The following P4HTM variants were observed in gnomAD, a reference collection of about 807,000 sequenced individuals.
P4HTM encodes the protein prolyl 4-hydroxylase, transmembrane.
P4HTM carries 33 observed loss-of-function variants against 55.3 expected under a neutral mutation model. That is an observed-to-expected ratio of 0.60 (90% CI 0.45 to 0.80). The LOEUF is 0.80. Ranked by LOEUF, P4HTM falls within the 30% of genes least tolerant of loss-of-function variation. P4HTM has a pLI of 0.00. For missense variants in P4HTM, 542 were observed against 696.5 expected (o/e 0.78, Z 2.50); for synonymous variants, 272 against 286.4 (o/e 0.95, Z 0.51).
At chr3:49,000,529 T>C (rs2092958131) in intron 2 of P4HTM, among the ~76,000 whole-genome samples, 1 of 152,198 alleles carries the variant, frequency 6.6e-6, no homozygotes, top group South Asian at 2.1e-4. Context: ...CTGCCCTTCC[T>C]CCAGTCAGCT....
chr3:49,005,559 T>C (rs546409262), intron 6 of P4HTM: 1 of 1,372,658 alleles, frequency 7.3e-7, no homozygotes, highest in East Asian at 2.7e-5. Flanking sequence ...AGTGCACCTG[T>C]GATCTTGGCC....
chr3:49,005,985 G>T, intron 7 of P4HTM, 79 bp from the exon 8 acceptor site: 1 of 1,562,390 alleles, frequency 6.4e-7, no homozygotes, highest in Non-Finnish European at 8.7e-7. Context: ...TATCTGGTTG[G>T]TTTCCCTTTG....
intron 4 of P4HTM, chr3:49,003,641 C>T (rs1220248109): frequency 6.5e-6 from 1 of 154,824 alleles, no homozygotes; most frequent in African/African-American, 2.4e-5. Flanking sequence ...ATGAGGAACT[C>T]CCCGGGGGCT....
At chr3:48,995,483 TTG>T (rs1166320977) in intron 2 of P4HTM, among the ~76,000 whole-genome samples, 13 of 152,214 alleles carry the variant, frequency 8.5e-5, no homozygotes, top group Non-Finnish European at 1.6e-4. Flanking sequence ...CCGTATTTAT[TTG>T]TGTCATTTGT....
In P4HTM at chr3:49,004,895, G is replaced by A. The variant is rs762716427; in HGVS notation, c.922G>A (p.Val308Met). The A allele has an allele frequency of 2.5e-6, 4 of 1,611,772 alleles. No individual in the cohort carries two copies. Among genetic ancestry groups the A allele is most frequent in the Non-Finnish European group, 3.4e-6 (4 of 1,179,850 alleles). Reference protein sequence around the residue: ...LRLTRLSPEIVELSEPLQVVR... With the variant: ...LRLTRLSPEIMELSEPLQVVR... ...CCTCACTCGCCTGTCGCCTGAGATC[G>A]TGGAGCTCAGCGAGCCGCTGCAGGT... Residue 308 changes from valine (V) to methionine (M), a missense_variant, in exon 6 of 9, where the codon GTG (valine) becomes ATG (methionine). Val to Met is a conservative substitution (Grantham distance 21). Coordinates refer to ENST00000383729, the MANE Select transcript of P4HTM (RefSeq NM_177939.3).
At chr3:49,003,418 T>C (rs530357461) in intron 4 of P4HTM, 1 of 157,570 alleles carries the variant, frequency 6.3e-6, no homozygotes, top group Non-Finnish European at 1.4e-5. Flanking sequence ...TGGAAGGTGA[T>C]GTCCTTGGGT....
At position 48,992,823 on chromosome 3, in the gene P4HTM, A is replaced by T. The variant is rs2092934666; in HGVS notation, c.436+1909A>T. 2.7e-5 allele frequency among the ~76,000 whole-genome samples: 4 copies of T among 150,590 alleles called. No homozygotes were observed. In the South Asian group the frequency reaches 6.4e-4, roughly 24 times the overall value. On this transcript the variant is annotated intron_variant, in intron 2 of 8. Coordinates refer to ENST00000383729, the MANE Select transcript of P4HTM (RefSeq NM_177939.3). Reference sequence around the variant, plus strand: ...TGGGATTACAGGCATGCGCCACCACATCCGGCTAATTTTTTGCATTTTTAG... The same window carrying T: ...TGGGATTACAGGCATGCGCCACCACTTCCGGCTAATTTTTTGCATTTTTAG...
At position 49,001,544 on chromosome 3, in the gene P4HTM, G is replaced by A. The variant is rs750045495; in HGVS notation, c.543G>A (p.Glu181=). 2 of 1,613,938 alleles carry A rather than the reference G, an allele frequency of 1.2e-6. No individual in the cohort carries two copies. Among genetic ancestry groups the A allele is most frequent in the South Asian group, 1.1e-5 (1 of 91,090 alleles). ...SQILPTEEYE[E]AMSTMQVSQL... is the part of the protein sequence containing the mutation. ...TCCTGCCTACTGAAGAGTATGAAGA[G>A]GCAATGAGCACTATGCAGGTCAGCC... Residue 181 remains glutamate, a synonymous_variant, in exon 3 of 9, where the codon GAG becomes GAA. Coordinates refer to ENST00000383729, the MANE Select transcript of P4HTM (RefSeq NM_177939.3).
At chr3:49,004,504 G>C (rs1170523650) in intron 5 of P4HTM, 2 of 561,158 alleles carry the variant, frequency 3.6e-6, no homozygotes, top group African/African-American at 1.9e-5. Context: ...TTTCTGATTA[G>C]ATAAATGACC....
At chr3:48,997,006 C>T (rs1489742033) in intron 2 of P4HTM, among the ~76,000 whole-genome samples, 1 of 152,172 alleles carries the variant, frequency 6.6e-6, no homozygotes, top group Non-Finnish European at 1.5e-5. Context: ...CAGAGGACTA[C>T]CTGCTCAAAA....
chr3:49,004,868 C>CGCCTCACT lies in P4HTM; in HGVS notation c.896_903dup (p.Arg302AlafsTer48). The CGCCTCACT allele has an allele frequency of 6.2e-7, 1 of 1,607,376 alleles. No individual in the cohort carries two copies. ...ATGCCTGCTGCCCACCAGGGTGCTG[C>CGCCTCACT]GCCTCACTCGCCTGTCGCCTGAGAT... On this transcript the variant is annotated frameshift_variant, in exon 6 of 9. Transcript: ENST00000383729. LOFTEE classifies it high-confidence loss of function.
intron 2 of P4HTM, among the ~76,000 whole-genome samples, chr3:48,996,579 C>T (rs990014984): frequency 6.6e-5 from 10 of 152,172 alleles, no homozygotes; most frequent in African/African-American, 2.4e-4. Flanking sequence ...CTAGGATGGT[C>T]TCAATCTCTT....
Position 48,990,350 on chromosome 3 carries a change from G to T in P4HTM, c.94G>T (p.Ala32Ser). 6.5e-7 allele frequency: 1 copy of T among 1,549,776 alleles called. No homozygotes were observed. The highest frequency in any genetic ancestry group is 8.7e-7 in the Non-Finnish European group (1 of 1,155,950). The change falls in exon 1 of 9, where the codon GCT becomes TCT. Residue 32 changes from alanine to serine, a missense_variant. Coordinates refer to ENST00000383729, the MANE Select transcript of P4HTM (RefSeq NM_177939.3). The surrounding 1 kb of genome is among the most constrained non-coding windows in gnomAD (Gnocchi z 7.2). Reference sequence around the variant, plus strand: ...GTGGGCGCCGCCAGACCACTGCCAGGCTCAGGCGGCGGCCGGGCTGGGCGA... The same window carrying T: ...GTGGGCGCCGCCAGACCACTGCCAGTCTCAGGCGGCGGCCGGGCTGGGCGA... ...PQWAPPDHCQ[A>S]QAAAGLGDGE...
At chr3:49,004,708 G>C in intron 5 of P4HTM, 153 bp from the exon 6 acceptor site, 1 of 709,248 alleles carries the variant, frequency 1.4e-6, no homozygotes, top group East Asian at 2.5e-5. Context: ...ACCCCCTCCT[G>C]CTCTTACAGG....
At chr3:49,005,170 G>A (rs567293554) in intron 6 of P4HTM, 124 bp downstream of exon 6, 21 of 1,601,408 alleles carry the variant, frequency 1.3e-5, no homozygotes, top group East Asian at 8.9e-5. Context: ...GGGTTATCCC[G>A]GTTAGTGATG....
intron 3 of P4HTM, 45 bp downstream of exon 3, chr3:49,001,673 G>C: frequency 6.5e-7 from 1 of 1,533,318 alleles, no homozygotes; most frequent in Non-Finnish European, 8.9e-7. Flanking sequence ...GGAGTGCCCA[G>C]AATCACCTTT....
In P4HTM at chr3:48,990,925, C is replaced by T. The variant is rs374512995; in HGVS notation, c.436+11C>T. On this transcript the variant is annotated intron_variant, in intron 2 of 8. Coordinates refer to ENST00000383729, the MANE Select transcript of P4HTM (RefSeq NM_177939.3). This position sits in a 1 kb window ranked among gnomAD's most constrained non-coding sequence, Gnocchi z 7.2. The stretch of plus-strand genomic sequence containing the variant: ...AGCCGCTGCTCTTCGGTAAGTCCGC[C>T]AGATACTCCTGGGAAGGGCCAGGGG... 1.2e-6 allele frequency: 2 copies of T among 1,610,546 alleles called. No individual in the cohort carries two copies. Among genetic ancestry groups the T allele is most frequent in the African/African-American group, 1.3e-5 (1 of 74,860 alleles).
rs1203035633 is a variant in P4HTM, at chr3:48,999,504, C to T, written c.437-1934C>T. ...CATCCCACAGCATCACCAGTGTCAC[C>T]AGCAGCCACAGCCCCTGCTCCATCA... On this transcript the variant is annotated intron_variant, in intron 2 of 8. Transcript: ENST00000383729. The surrounding 1 kb of genome is among the most constrained non-coding windows in gnomAD (Gnocchi z 4.8). The T allele has an allele frequency of 6.0e-6, 1 of 167,690 alleles. No individual in the cohort carries two copies. Among genetic ancestry groups the T allele is most frequent in the African/African-American group, 2.4e-5 (1 of 41,470 alleles). The allele number at this position is 167,690 out of a possible 1,614,324, so 10.4% of individuals were successfully genotyped here.
At chr3:48,992,827 G>C (rs1040196158) in intron 2 of P4HTM, among the ~76,000 whole-genome samples, 1 of 150,668 alleles carries the variant, frequency 6.6e-6, no homozygotes, top group Non-Finnish European at 1.5e-5. Context: ...CACCACATCC[G>C]GCTAATTTTT....
Sources: gnomAD v4.1 joint callset for allele counts (sites outside exome capture counted in the v4.1 genomes callset) on GRCh38, gnomAD v4.1.1 for gene constraint, Gnocchi (gnomAD v3.1) non-coding constraint, MANE v1.5 for transcripts, NCBI Gene and HGNC (gene_info 2026-07-23, HGNC 2026-07-21) for gene names.